The following PHACTR2 variants were observed in gnomAD, a reference collection of about 807,000 sequenced individuals.
The protein encoded by PHACTR2 is chromosome 6 open reading frame 56.
In PHACTR2, 30 loss-of-function variants were observed where a neutral mutation model predicts 76.0. The observed-to-expected ratio is 0.39, with a 90% CI of 0.30 to 0.54. The LOEUF (loss-of-function observed/expected upper bound fraction) is 0.54, where lower values mean the gene tolerates loss of function less well. Ranked by LOEUF, PHACTR2 falls within the 20% of genes least tolerant of loss-of-function variation. The pLI is 0.61. For missense variants in PHACTR2, 696 were observed against 781.1 expected, an observed-to-expected ratio of 0.89 and a Z score of 1.30; for synonymous variants, 292 against 292.5, an observed-to-expected ratio of 1.00 and a Z score of 0.02.
chr6:143,693,901 A>C (rs76473158), intron 1 of PHACTR2, among the ~76,000 whole-genome samples: 2,901 of 152,238 alleles, frequency 0.019, 88 homozygotes, highest in African/African-American at 0.064. Flanking sequence ...AAACCCGTCT[A>C]TACAAAGAAC....
At chr6:143,745,435 C>G (rs76871031) in intron 2 of PHACTR2, among the ~76,000 whole-genome samples, 3 of 152,262 alleles carry the variant, frequency 2.0e-5, no homozygotes, top group Non-Finnish European at 2.9e-5. Flanking sequence ...GAGCATCTTC[C>G]CTCTGAATGA....
At position 143,740,508 on chromosome 6, in the gene PHACTR2, T is replaced by TAAAAAAAA. The variant is rs10638908; in HGVS notation, c.215-8469_215-8462dup. ...AACTATTACAAAACATCCTTTTAAT[T>TAAAAAAAA]AAAAAAAAAAAAAAAGGAAAAAATA... On this transcript the variant is annotated intron_variant, in intron 2 of 12. Transcript: ENST00000440869. 4.9e-3 allele frequency among the ~76,000 whole-genome samples: 635 copies of TAAAAAAAA among 128,522 alleles called. 5 individuals are homozygous for TAAAAAAAA. Among genetic ancestry groups the TAAAAAAAA allele is most frequent in the East Asian group, 0.039 (170 of 4,400 alleles). The allele number at this position is 128,522 out of a possible 152,430, so 84.3% of individuals were successfully genotyped here.
chr6:143,668,342 T>G (rs566462682), intron 1 of PHACTR2, among the ~76,000 whole-genome samples: 4 of 152,290 alleles, frequency 2.6e-5, no homozygotes, highest in Non-Finnish European at 5.9e-5. Context: ...TTTCTTTTTT[T>G]GTGGTGTCTC....
chr6:143,628,979 A>C (rs952834430), intron 1 of PHACTR2, among the ~76,000 whole-genome samples: 1 of 121,714 alleles, frequency 8.2e-6, no homozygotes, highest in Non-Finnish European at 1.6e-5. Context: ...ATATATATAT[A>C]CTGCAAATCC....
Position 143,807,123 on chromosome 6 carries a change from C to G in PHACTR2, c.1912C>G (p.Gln638Glu). Residue 638 changes from glutamine to glutamate, a missense_variant, in exon 12 of 13, where the codon CAG becomes GAG. Gln to Glu is a conservative substitution (Grantham distance 29). Transcript: ENST00000440869. The surrounding 1 kb of genome is among the most constrained non-coding windows in gnomAD (Gnocchi z 5.5). ...AATGGAAGTTCATGAAGAGAGTCGA[C>G]AGTTTACAAGGTAGGTGACAAAATG... ...TEMEVHEESR[Q>E]FTRFHRP 6.3e-7 allele frequency: 1 copy of G among 1,598,960 alleles called. No individual in the cohort carries two copies. The highest frequency in any genetic ancestry group is 2.2e-5 in the East Asian group (1 of 44,718).
chr6:143,559,690 CTTTTTTTTTTTTT>C (rs5880566), intron 1 of PHACTR2, among the ~76,000 whole-genome samples: 30 of 31,904 alleles, frequency 9.4e-4, no homozygotes, highest in African/African-American at 2.4e-3. Context: ...TTTTTCTTTT[CTTTTTTTTTTTTT>C]TTTTTTTTTT....
In PHACTR2 at chr6:143,621,755, A is replaced by G. The variant is rs912476992; in HGVS notation, c.13+13433A>G. ...TTGGCTTGAGTAGTAAGTATTATGTAACATAGATTCATTTTGCACCTACGT... is the reference window on the plus strand; with the variant it reads ...TTGGCTTGAGTAGTAAGTATTATGTGACATAGATTCATTTTGCACCTACGT... On this transcript the variant is annotated intron_variant, in intron 1 of 11. Coordinates refer to the PHACTR2 transcript ENST00000305766. The surrounding 1 kb of genome is among the most constrained non-coding windows in gnomAD (Gnocchi z 4.1). Among the ~76,000 whole-genome samples the G allele has an allele frequency of 1.8e-4, 28 of 152,160 alleles. No homozygotes were observed. Among genetic ancestry groups the G allele is most frequent in the African/African-American group, 6.8e-4 (28 of 41,428 alleles).
Position 143,688,177 on chromosome 6 carries a change from C to CT in PHACTR2, c.46+9980dup, listed in dbSNP as rs11356590. ...CCACAGGCAATGGGAACCACTGACG[C>CT]TTTTTTTTTTTTAAATCAAACCAGA... On this transcript the variant is annotated intron_variant, in intron 1 of 12. Transcript: ENST00000440869. This position sits in a 1 kb window ranked among gnomAD's most constrained non-coding sequence, Gnocchi z 5.2. Among the ~76,000 whole-genome samples the CT allele has an allele frequency of 6.5e-4, 96 of 148,176 alleles. No homozygotes were observed. The highest frequency in any genetic ancestry group is 9.9e-4 in the Non-Finnish European group (66 of 66,828).
In PHACTR2 at chr6:143,712,558, T is replaced by C. The variant is rs543861088; in HGVS notation, c.214+375T>C. 5.9e-5 allele frequency among the ~76,000 whole-genome samples: 9 copies of C among 151,706 alleles called. No homozygotes were observed. In the South Asian group the frequency reaches 1.9e-3, roughly 31 times the overall value. ...TGTTATATATTTAGTTAGACTATAC[T>C]ATTTATATTAATATATAAATATTTA... On this transcript the variant is annotated intron_variant, in intron 2 of 12. Coordinates refer to ENST00000440869, the MANE Select transcript of PHACTR2 (RefSeq NM_001100164.2).
intron 12 of PHACTR2, among the ~76,000 whole-genome samples, chr6:143,817,612 C>G (rs1029657048): frequency 3.9e-5 from 6 of 152,120 alleles, no homozygotes; most frequent in African/African-American, 1.4e-4. Context: ...CAAAATTGAT[C>G]AGAACTTGAA....
At position 143,618,563 on chromosome 6, in the gene PHACTR2, C is replaced by T. The variant is rs758065838; in HGVS notation, c.13+10241C>T. On this transcript the variant is annotated intron_variant, in intron 1 of 11. Transcript: ENST00000305766. This position sits in a 1 kb window ranked among gnomAD's most constrained non-coding sequence, Gnocchi z 5.2. ...ACTCCAAATGTTTATACAAGTGAAG[C>T]ATCTAGTATTGGGAGGATCCACCAG... Among the ~76,000 whole-genome samples the T allele has an allele frequency of 1.3e-5, 2 of 151,580 alleles. No individual in the cohort carries two copies. Among genetic ancestry groups the T allele is most frequent in the African/African-American group, 2.4e-5 (1 of 41,210 alleles).
intron 12 of PHACTR2, among the ~76,000 whole-genome samples, chr6:143,817,060 T>C: frequency 6.6e-6 from 1 of 151,528 alleles, no homozygotes; most frequent in South Asian, 2.1e-4. Context: ...AGTGAGACGG[T>C]GTCCCCCCCA....
At position 143,789,260 on chromosome 6, in the gene PHACTR2, G is replaced by A. The variant is rs186565938; in HGVS notation, c.1845+350G>A. ...TTAATAGAAAGGTTTAATCTTCGTC[G>A]AGACTGGCACACTTTTAATAGAAAT... is the stretch of plus-strand genomic sequence containing the variant. On this transcript the variant is annotated intron_variant, in intron 11 of 12. Coordinates refer to ENST00000440869, the MANE Select transcript of PHACTR2 (RefSeq NM_001100164.2). The surrounding 1 kb of genome is among the most constrained non-coding windows in gnomAD (Gnocchi z 5.1). 4.5e-4 allele frequency: 77 copies of A among 172,470 alleles called. 1 individual carries two copies. The highest frequency in any genetic ancestry group is 4.0e-3 in the Admixed American group (71 of 17,904). 10.7% of individuals were successfully genotyped at this position (172,470 alleles called of 1,614,324 possible). A position where few individuals can be genotyped will look rare whatever the true frequency, so the allele number is the denominator to read the frequency against.
chr6:143,637,571 G>T (rs1776481645), intron 1 of PHACTR2, among the ~76,000 whole-genome samples: 1 of 152,206 alleles, frequency 6.6e-6, no homozygotes, highest in Non-Finnish European at 1.5e-5. Flanking sequence ...GCTTGTATGG[G>T]TCAGGAGTTC....
intron 2 of PHACTR2, among the ~76,000 whole-genome samples, chr6:143,734,985 T>G (rs778056225): frequency 6.6e-6 from 1 of 152,230 alleles, no homozygotes; most frequent in Admixed American, 6.5e-5. Context: ...GTGATATGAA[T>G]CTGGTCCTTA....
Position 143,733,754 on chromosome 6 carries a change from C to A in PHACTR2, c.215-15231C>A, listed in dbSNP as rs985273641. ...AAGGTCAATGTGGGAACATCTTTCT[C>A]AGAAAGGAAGTGTGGTGGGGGTTGT... On this transcript the variant is annotated intron_variant, in intron 2 of 12. Coordinates refer to ENST00000440869, the MANE Select transcript of PHACTR2 (RefSeq NM_001100164.2). This position sits in a 1 kb window ranked among gnomAD's most constrained non-coding sequence, Gnocchi z 4.0. Among the ~76,000 whole-genome samples the A allele has an allele frequency of 6.6e-6, 1 of 152,038 alleles. No homozygotes were observed. The highest frequency in any genetic ancestry group is 2.4e-5 in the African/African-American group (1 of 41,336).
At chr6:143,655,215 A>G (rs1336025957) in intron 1 of PHACTR2, among the ~76,000 whole-genome samples, 2 of 152,146 alleles carry the variant, frequency 1.3e-5, no homozygotes, top group Non-Finnish European at 1.5e-5. Context: ...AGTGAAAGAA[A>G]CCAGGATGAA....
chr6:143,775,819 G>A lies in PHACTR2; in HGVS notation c.1590-1509G>A, dbSNP rs1002135288. 2.0e-5 allele frequency among the ~76,000 whole-genome samples: 3 copies of A among 152,180 alleles called. No homozygotes were observed. The highest frequency in any genetic ancestry group is 6.5e-5 in the Admixed American group (1 of 15,276). On this transcript the variant is annotated intron_variant, in intron 8 of 12. Transcript: ENST00000440869. The surrounding 1 kb of genome is among the most constrained non-coding windows in gnomAD (Gnocchi z 4.4). ...ACCCACCTCAATAAATGTCAAAGTA[G>A]CAGTAAAGAAAATTTTGTAAGTTTT...
At position 143,819,028 on chromosome 6, in the gene PHACTR2, A is replaced by G. The variant is rs1003349373; in HGVS notation, c.1923-4646A>G. On this transcript the variant is annotated intron_variant, in intron 12 of 12. Coordinates refer to ENST00000440869, the MANE Select transcript of PHACTR2 (RefSeq NM_001100164.2). The surrounding 1 kb of genome is among the most constrained non-coding windows in gnomAD (Gnocchi z 5.0). ...CCTGTCAGGTGGGTTATTGTATATT[A>G]GTATACATTTACTTGTAATTAAGTT... is the stretch of plus-strand genomic sequence containing the variant. Among the ~76,000 whole-genome samples the G allele has an allele frequency of 3.3e-5, 5 of 152,220 alleles. No individual in the cohort carries two copies. The highest frequency in any genetic ancestry group is 1.2e-4 in the African/African-American group (5 of 41,458).
Sources: gnomAD v4.1 joint callset for allele counts (sites outside exome capture counted in the v4.1 genomes callset) on GRCh38, gnomAD v4.1.1 for gene constraint, Gnocchi (gnomAD v3.1) non-coding constraint, MANE v1.5 for transcripts, NCBI Gene and HGNC (gene_info 2026-07-23, HGNC 2026-07-21) for gene names.